Variants in PPP2R2C observed in about 807,000 individuals in gnomAD.
PPP2R2C encodes the protein protein phosphatase 2, regulatory subunit B, gamma.
Under a neutral mutation model 45.3 loss-of-function variants are expected in PPP2R2C, and 10 were observed. That is an observed-to-expected ratio of 0.22 (90% CI 0.14 to 0.37). The LOEUF is 0.37. PPP2R2C is among the 10% of genes least tolerant of loss of function. The pLI, the probability that PPP2R2C is intolerant of heterozygous loss-of-function variation, is 1.00. For synonymous variants in PPP2R2C, 257 were observed against 245.4 expected, an observed-to-expected ratio of 1.05 and a Z score of -0.44; for missense variants, 308 against 619.7, an observed-to-expected ratio of 0.50 and a Z score of 5.34.
intron 1 of PPP2R2C, among the ~76,000 whole-genome samples, chr4:6,422,929 G>C (rs1719068629): frequency 6.6e-6 from 1 of 152,140 alleles, no homozygotes; most frequent in African/African-American, 2.4e-5. Context: ...AACCTTGACA[G>C]AGCACCTGCC....
At chr4:6,478,742 G>A (rs11938118) in intron 2 of PPP2R2C, among the ~76,000 whole-genome samples, 118,668 of 152,192 alleles carry the variant, frequency 0.78, 47,511 homozygotes, top group East Asian at 1. Context: ...GACCACAGCC[G>A]TGAATGACCC....
chr4:6,492,146 G>A (rs1034676225), intron 2 of PPP2R2C, among the ~76,000 whole-genome samples: 1 of 152,176 alleles, frequency 6.6e-6, no homozygotes, highest in African/African-American at 2.4e-5. Flanking sequence ...GTGGGCCCTG[G>A]GGCTTAAACT....
chr4:6,366,354 G>A (rs1057026519), intron 5 of PPP2R2C, among the ~76,000 whole-genome samples: 13 of 152,106 alleles, frequency 8.5e-5, no homozygotes, highest in African/African-American at 9.7e-5. Flanking sequence ...TTCCCCAGGC[G>A]CCCAGATCAA....
chr4:6,497,992 T>C (rs1669758959), intron 2 of PPP2R2C, among the ~76,000 whole-genome samples: 2 of 152,232 alleles, frequency 1.3e-5, no homozygotes. Flanking sequence ...ACTTACAGCA[T>C]CCATACGCTG....
chr4:6,396,699 G>C (rs1177098249), intron 1 of PPP2R2C, among the ~76,000 whole-genome samples: 1 of 152,246 alleles, frequency 6.6e-6, no homozygotes, highest in Non-Finnish European at 1.5e-5. Flanking sequence ...CCCGCTTCCA[G>C]ATAAGGAACC....
intron 1 of PPP2R2C, among the ~76,000 whole-genome samples, chr4:6,400,891 G>C (rs1717373724): frequency 6.6e-6 from 1 of 152,210 alleles, no homozygotes. Flanking sequence ...CGCTCATGCA[G>C]TCAAAGGGAT....
chr4:6,335,717 C>T (rs772136973), intron 6 of PPP2R2C, among the ~76,000 whole-genome samples: 3 of 151,792 alleles, frequency 2.0e-5, no homozygotes, highest in Non-Finnish European at 2.9e-5. Context: ...TGATCCCAGG[C>T]CACTGCATGC....
At chr4:6,404,788 C>T (rs577363582) in intron 1 of PPP2R2C, among the ~76,000 whole-genome samples, 9 of 152,298 alleles carry the variant, frequency 5.9e-5, no homozygotes, top group East Asian at 1.9e-4. Flanking sequence ...TCAGGGCACC[C>T]GCAAATGGCA....
At chr4:6,371,110 G>A (rs150096842) in intron 5 of PPP2R2C, among the ~76,000 whole-genome samples, 96 of 152,334 alleles carry the variant, frequency 6.3e-4, no homozygotes, top group Middle Eastern at 6.8e-3. Context: ...CTATGAGGAG[G>A]CATGATTGAA....
intron 5 of PPP2R2C, among the ~76,000 whole-genome samples, chr4:6,352,435 C>T (rs547178246): frequency 2.2e-4 from 34 of 152,328 alleles, no homozygotes; most frequent in Admixed American, 3.3e-4. Context: ...TCAGGACTGG[C>T]CTCCCTTGGG....
At chr4:6,460,499 C>G (rs565738653) in intron 1 of PPP2R2C, among the ~76,000 whole-genome samples, 1 of 152,172 alleles carries the variant, frequency 6.6e-6, no homozygotes, top group African/African-American at 2.4e-5. Flanking sequence ...GAAGTCCCAG[C>G]AAGCTAAGAA....
At chr4:6,498,705 C>T (rs781419729) in intron 2 of PPP2R2C, among the ~76,000 whole-genome samples, 4 of 152,076 alleles carry the variant, frequency 2.6e-5, no homozygotes, top group Non-Finnish European at 4.4e-5. Flanking sequence ...CTCACCCAGA[C>T]GGCAAACCCA....
chr4:6,538,777 G>C lies in PPP2R2C; in HGVS notation c.-58-3400C>G, dbSNP rs113854083. ...TGTTCTCGTTACAAAGGCAGCAGAC[G>C]CGTGGAGCTGGCCGCTCCCCCGCAC... On this transcript the variant is annotated intron_variant, in intron 1 of 9. Transcript: ENST00000506140. Among the ~76,000 whole-genome samples, 1,231 of 152,292 alleles carry C rather than the reference G, an allele frequency of 8.1e-3. 18 individuals are homozygous for C. Among genetic ancestry groups the C allele is most frequent in the African/African-American group, 0.028 (1,156 of 41,556 alleles).
chr4:6,532,717 C>A (rs1467756327), intron 2 of PPP2R2C, among the ~76,000 whole-genome samples: 1 of 152,182 alleles, frequency 6.6e-6, no homozygotes, highest in Non-Finnish European at 1.5e-5. Context: ...CTGTTCTTCC[C>A]AAATTAACCC....
In PPP2R2C at chr4:6,349,858, T is replaced by C; in HGVS notation, c.626-1848A>G. 5 of 973,980 alleles carry C rather than the reference T, an allele frequency of 5.1e-6. No homozygotes were observed. In the South Asian group the frequency reaches 2.4e-4, roughly 46 times the overall value. The allele number at this position is 973,980 out of a possible 1,614,324, so 60.3% of individuals were successfully genotyped here. A position where few individuals can be genotyped will look rare whatever the true frequency, so the allele number is the denominator to read the frequency against. ...GTTAGCCGAGATCGCACCATTATATTCCAGCCTGGTGACAGGGCAAGACTC... is the reference window on the plus strand; with the variant it reads ...GTTAGCCGAGATCGCACCATTATATCCCAGCCTGGTGACAGGGCAAGACTC... On this transcript the variant is annotated intron_variant, in intron 5 of 8. Coordinates refer to ENST00000382599, the MANE Select transcript of PPP2R2C (RefSeq NM_020416.4).
At chr4:6,512,553 G>A (rs1723681272) in intron 2 of PPP2R2C, among the ~76,000 whole-genome samples, 1 of 132,000 alleles carries the variant, frequency 7.6e-6, no homozygotes, top group Non-Finnish European at 1.6e-5. Flanking sequence ...TGATGGTGGT[G>A]ATGGTGGTGG....
intron 2 of PPP2R2C, among the ~76,000 whole-genome samples, chr4:6,486,839 A>T (rs932978522): frequency 3.9e-5 from 6 of 152,022 alleles, no homozygotes; most frequent in African/African-American, 1.4e-4. Flanking sequence ...TGGCTGCTCA[A>T]AGTGATTATT....
chr4:6,431,166 G>A lies in PPP2R2C; in HGVS notation c.70+40994C>T, dbSNP rs193237203. Among the ~76,000 whole-genome samples the A allele has an allele frequency of 3.2e-3, 486 of 152,332 alleles. 4 individuals carry two copies. The highest frequency in any genetic ancestry group is 0.011 in the African/African-American group (442 of 41,566). Reference sequence around the variant, plus strand: ...CGCCTGAGGAGGGGAAGGTGTGAAAGCCACCAGGGTGTGCAGGTCCGTGTT... The same window carrying A: ...CGCCTGAGGAGGGGAAGGTGTGAAAACCACCAGGGTGTGCAGGTCCGTGTT... On this transcript the variant is annotated intron_variant, in intron 1 of 8. Transcript: ENST00000382599.
chr4:6,531,119 G>A (rs1388031816), intron 2 of PPP2R2C, among the ~76,000 whole-genome samples: 1 of 152,210 alleles, frequency 6.6e-6, no homozygotes, highest in African/African-American at 2.4e-5. Flanking sequence ...GGCAGCAAGG[G>A]CGGGTGGGGT....
Sources: gnomAD v4.1 joint callset for allele counts (sites outside exome capture counted in the v4.1 genomes callset) on GRCh38, gnomAD v4.1.1 for gene constraint, MANE v1.5 for transcripts, NCBI Gene and HGNC (gene_info 2026-07-23, HGNC 2026-07-21) for gene names.